LUZP2: variants seen among roughly 807,000 people sequenced by gnomAD.
The protein encoded by LUZP2 is leucine zipper protein 2.
LUZP2 carries 52 observed loss-of-function variants against 51.6 expected under a neutral mutation model. The ratio of observed to expected loss-of-function variants is 1.01; its 90% confidence interval spans 0.81 to 1.27. The LOEUF (loss-of-function observed/expected upper bound fraction) is 1.27, where lower values mean the gene tolerates loss of function less well. LUZP2 is among the 50% of genes most tolerant of loss of function. The probability of loss-of-function intolerance (pLI) is 0.00; values close to 1 mark genes in which losing one functional copy is unlikely to be tolerated. For missense variants in LUZP2, 436 were observed against 395.4 expected (o/e 1.10, Z -0.87); for synonymous variants, 154 against 137.3 (o/e 1.12, Z -0.85).
intron 1 of LUZP2, among the ~76,000 whole-genome samples, chr11:24,517,013 A>G (rs946129731): frequency 5.9e-5 from 9 of 152,288 alleles, no homozygotes; most frequent in African/African-American, 7.2e-5. Flanking sequence ...TCTTATTACC[A>G]TCTGTTATTT....
At chr11:25,054,298 T>C (rs1858612525) in intron 10 of LUZP2, among the ~76,000 whole-genome samples, 1 of 152,202 alleles carries the variant, frequency 6.6e-6, no homozygotes, top group Non-Finnish European at 1.5e-5. Context: ...AAGTCCTAAT[T>C]TGTGTCTTCT....
chr11:25,001,763 CTCTG>C (rs34239367), intron 9 of LUZP2, among the ~76,000 whole-genome samples: 3,801 of 152,034 alleles, frequency 0.025, 75 homozygotes, highest in Non-Finnish European at 0.035. Context: ...CAGTCTCTTC[CTCTG>C]TCTCTCTTTG....
intron 1 of LUZP2, among the ~76,000 whole-genome samples, chr11:24,635,419 A>AGTGT (rs1457113445): frequency 4.8e-5 from 1 of 20,846 alleles, no homozygotes; most frequent in South Asian, 4.2e-3. Flanking sequence ...AAATCAGAAA[A>AGTGT]GAGTGTGTGT....
chr11:24,915,881 C>A (rs1853774598), intron 7 of LUZP2, among the ~76,000 whole-genome samples: 1 of 152,026 alleles, frequency 6.6e-6, no homozygotes, highest in South Asian at 2.1e-4. Flanking sequence ...AGCCATGCAC[C>A]TTTGAAAATG....
At chr11:25,073,700 T>C (rs1457517033) in intron 10 of LUZP2, among the ~76,000 whole-genome samples, 4 of 152,166 alleles carry the variant, frequency 2.6e-5, no homozygotes, top group Non-Finnish European at 4.4e-5. Context: ...TTCTCTTCTC[T>C]CTACCTTTCC....
At chr11:24,584,401 T>C (rs1267695471) in intron 1 of LUZP2, among the ~76,000 whole-genome samples, 2 of 152,208 alleles carry the variant, frequency 1.3e-5, no homozygotes, top group Non-Finnish European at 2.9e-5. Flanking sequence ...TGAGTTCTTG[T>C]GCTGAAATTG....
At chr11:24,921,343 T>C (rs1268567204) in intron 7 of LUZP2, among the ~76,000 whole-genome samples, 2 of 152,150 alleles carry the variant, frequency 1.3e-5, no homozygotes, top group African/African-American at 4.8e-5. Flanking sequence ...GTCATTTATG[T>C]AGCTTCCAGA....
intron 7 of LUZP2, among the ~76,000 whole-genome samples, chr11:24,968,816 C>T (rs904231733): frequency 3.9e-5 from 6 of 152,192 alleles, no homozygotes; most frequent in African/African-American, 1.4e-4. Context: ...GCTCTTCGCA[C>T]CTTGGTTAAG....
At chr11:24,769,358 T>G (rs950624023) in intron 5 of LUZP2, among the ~76,000 whole-genome samples, 1 of 152,170 alleles carries the variant, frequency 6.6e-6, no homozygotes, top group Admixed American at 6.5e-5. Flanking sequence ...GTGTATTATG[T>G]ATTTCAAAAT....
chr11:24,909,665 A>C (rs1466861898), intron 6 of LUZP2, among the ~76,000 whole-genome samples: 1 of 152,212 alleles, frequency 6.6e-6, no homozygotes, highest in Non-Finnish European at 1.5e-5. Context: ...GCAGCACAAA[A>C]TAATGATAAC....
In LUZP2 at chr11:24,874,319, G is replaced by A. The variant is rs1320763511; in HGVS notation, c.397-31672G>A. Among the ~76,000 whole-genome samples the A allele has an allele frequency of 3.3e-5, 5 of 152,208 alleles. No individual in the cohort carries two copies. In the South Asian group the frequency reaches 6.2e-4, roughly 19 times the overall value. Reference sequence around the variant, plus strand: ...CAAGGGGAGTTGGTAGATGGGTGGCGGGCAGTTGAAAGAACACTCAGGGGG... The same window carrying A: ...CAAGGGGAGTTGGTAGATGGGTGGCAGGCAGTTGAAAGAACACTCAGGGGG... On this transcript the variant is annotated intron_variant, in intron 5 of 11. Transcript: ENST00000336930.
intron 1 of LUZP2, among the ~76,000 whole-genome samples, chr11:24,553,731 GCT>G (rs1241415304): frequency 6.6e-6 from 1 of 152,122 alleles, no homozygotes; most frequent in Non-Finnish European, 1.5e-5. Context: ...CTTGAGCCAA[GCT>G]ATGGTACGTA....
intron 1 of LUZP2, among the ~76,000 whole-genome samples, chr11:24,575,551 GC>G (rs1852617028): frequency 6.6e-6 from 1 of 152,040 alleles, no homozygotes; most frequent in Non-Finnish European, 1.5e-5. Flanking sequence ...GATATATTCT[GC>G]CAAATATTAG....
intron 5 of LUZP2, among the ~76,000 whole-genome samples, chr11:24,857,152 G>A (rs1316919197): frequency 1.3e-5 from 2 of 151,690 alleles, no homozygotes; most frequent in African/African-American, 4.8e-5. Flanking sequence ...AGTTACCACT[G>A]TAATTTGTTT....
At position 24,675,820 on chromosome 11, in the gene LUZP2, T is replaced by TTTAA. The variant is rs1565069991; in HGVS notation, c.63-53346_63-53345insATTA. Among the ~76,000 whole-genome samples the TTTAA allele has an allele frequency of 1.2e-3, 174 of 150,656 alleles. 1 individual carries two copies. The highest frequency in any genetic ancestry group is 3.3e-4 in the Non-Finnish European group (22 of 67,690). ...ATTTATTTATTTATTTATTTATTTA[T>TTTAA]TTATTTATTTATTTTTGAGACAGAG... On this transcript the variant is annotated intron_variant, in intron 1 of 11. Transcript: ENST00000336930.
chr11:25,041,401 A>T (rs1858054595), intron 9 of LUZP2, among the ~76,000 whole-genome samples: 1 of 152,110 alleles, frequency 6.6e-6, no homozygotes, highest in African/African-American at 2.4e-5. Context: ...AATATTTTCA[A>T]ACCTTGGTTG....
Position 24,831,471 on chromosome 11 carries a change from C to G in LUZP2, c.396+68163C>G, listed in dbSNP as rs144553859. Among the ~76,000 whole-genome samples, 28 of 152,044 alleles carry G rather than the reference C, an allele frequency of 1.8e-4. No homozygotes were observed. In the East Asian group the frequency reaches 4.3e-3, roughly 23 times the overall value. On this transcript the variant is annotated intron_variant, in intron 5 of 11. Transcript: ENST00000336930. ...ACAGAATGAGATGCTTTTAAAGGAGCTTTGAAAGAAGGTACAGGCAGTATA... is the reference window on the plus strand; with the variant it reads ...ACAGAATGAGATGCTTTTAAAGGAGGTTTGAAAGAAGGTACAGGCAGTATA...
intron 5 of LUZP2, among the ~76,000 whole-genome samples, chr11:24,804,810 G>A (rs1255398775): frequency 6.6e-6 from 1 of 152,014 alleles, no homozygotes; most frequent in African/African-American, 2.4e-5. Flanking sequence ...GGTGTAGCAT[G>A]TTCTGAATCT....
At chr11:24,863,115 G>A (rs941251400) in intron 5 of LUZP2, among the ~76,000 whole-genome samples, 1 of 152,112 alleles carries the variant, frequency 6.6e-6, no homozygotes, top group Admixed American at 6.6e-5. Context: ...AATTTAAACT[G>A]GTGAGGCTGA....
Sources: gnomAD v4.1 joint callset for allele counts (sites outside exome capture counted in the v4.1 genomes callset) on GRCh38, gnomAD v4.1.1 for gene constraint, MANE v1.5 for transcripts, NCBI Gene and HGNC (gene_info 2026-07-23, HGNC 2026-07-21) for gene names.